EXT1: variants seen among roughly 807,000 people sequenced by gnomAD.
The protein encoded by EXT1 is exostosin glycosyltransferase 1.
In EXT1, 20 loss-of-function variants were observed where a neutral mutation model predicts 82.5. The observed-to-expected ratio is 0.24, with a 90% CI of 0.17 to 0.35. The LOEUF (loss-of-function observed/expected upper bound fraction) is 0.35. Ranked by LOEUF, EXT1 falls within the 10% of genes least tolerant of loss-of-function variation. The pLI is 1.00. For synonymous variants in EXT1, 348 were observed against 350.8 expected (o/e 0.99, Z 0.09); for missense variants, 757 against 936.5 (o/e 0.81, Z 2.50).
intron 1 of EXT1, among the ~76,000 whole-genome samples, chr8:118,068,952 T>C (rs1475393976): frequency 6.6e-6 from 1 of 152,168 alleles, no homozygotes; most frequent in African/African-American, 2.4e-5. Flanking sequence ...CTATTGCCCT[T>C]TTGGGACTCT....
At chr8:117,807,414 G>A (rs1823256295) in intron 8 of EXT1, 37 bp from the exon 9 acceptor site, 1 of 1,613,354 alleles carries the variant, frequency 6.2e-7, no homozygotes, top group East Asian at 2.2e-5. Context: ...GCAATCAACA[G>A]TGTTAACAAA....
chr8:117,858,766 A>AAGGAAGGCAGGCAGGC lies in EXT1; in HGVS notation c.963-21566_963-21565insGCCTGCCTGCCTTCCT, dbSNP rs1289892313. Among the ~76,000 whole-genome samples, 135 of 54,596 alleles carry AAGGAAGGCAGGCAGGC rather than the reference A, an allele frequency of 2.5e-3. 1 individual carries two copies. The highest frequency in any genetic ancestry group is 6.8e-3 in the African/African-American group (66 of 9,752). The allele number at this position is 54,596 out of a possible 152,430, so 35.8% of individuals were successfully genotyped here. A position where few individuals can be genotyped will look rare whatever the true frequency, so the allele number is the denominator to read the frequency against. Reference sequence around the variant, plus strand: ...GAAGGAAGGAAGGAAGGAAGGAAGGAAGGCAGGCAGGCAGGCAGGCAGGCA... The same window carrying AAGGAAGGCAGGCAGGC: ...GAAGGAAGGAAGGAAGGAAGGAAGGAAGGAAGGCAGGCAGGCAGGCAGGCAGGCAGGCAGGCAGGCA... On this transcript the variant is annotated intron_variant, in intron 1 of 10. Coordinates refer to ENST00000378204, the MANE Select transcript of EXT1 (RefSeq NM_000127.3).
chr8:118,110,025 G>A, intron 1 of EXT1, 60 bp downstream of exon 1: 2 of 1,611,616 alleles, frequency 1.2e-6, no homozygotes, highest in East Asian at 4.5e-5. Context: ...CTTCACACCT[G>A]GACCAAGGCC....
At chr8:117,950,385 G>C (rs866760891) in intron 1 of EXT1, among the ~76,000 whole-genome samples, 1 of 152,236 alleles carries the variant, frequency 6.6e-6, no homozygotes, top group Non-Finnish European at 1.5e-5. Flanking sequence ...CTGGCTGGTT[G>C]TAACAGCCAA....
intron 1 of EXT1, among the ~76,000 whole-genome samples, chr8:117,991,482 G>C (rs556316642): frequency 6.6e-6 from 1 of 152,212 alleles, no homozygotes; most frequent in East Asian, 1.9e-4. Context: ...AAAATCCCAT[G>C]TATCTTTTGC....
chr8:118,071,884 A>G (rs527894900), intron 1 of EXT1, among the ~76,000 whole-genome samples: 8 of 144,888 alleles, frequency 5.5e-5, no homozygotes, highest in Admixed American at 1.3e-4. Flanking sequence ...AAATCTTAAA[A>G]CAGCATCCTG....
chr8:117,971,236 G>A (rs1489935362), intron 1 of EXT1, among the ~76,000 whole-genome samples: 1 of 152,142 alleles, frequency 6.6e-6, no homozygotes. Flanking sequence ...ACTCACTGTA[G>A]AAACTGAAAA....
At chr8:118,076,783 G>A (rs1336398729) in intron 1 of EXT1, among the ~76,000 whole-genome samples, 1 of 152,130 alleles carries the variant, frequency 6.6e-6, no homozygotes, top group Non-Finnish European at 1.5e-5. Context: ...TTGTATTTCA[G>A]TTATAGAATT....
At chr8:117,813,094 C>T (rs1224242007) in intron 7 of EXT1, 133 bp from the exon 8 acceptor site, 13 of 730,546 alleles carry the variant, frequency 1.8e-5, no homozygotes, top group Middle Eastern at 2.5e-4. Context: ...CCCTCAACAC[C>T]GAAGGAATCT....
chr8:117,831,103 G>A (rs1187042162), intron 3 of EXT1, among the ~76,000 whole-genome samples: 1 of 152,152 alleles, frequency 6.6e-6, no homozygotes, highest in Non-Finnish European at 1.5e-5. Flanking sequence ...ACCATCTGAA[G>A]CCACCACAGG....
At chr8:118,081,075 A>C (rs1817318435) in intron 1 of EXT1, among the ~76,000 whole-genome samples, 1 of 152,178 alleles carries the variant, frequency 6.6e-6, no homozygotes, top group South Asian at 2.1e-4. Context: ...TCAGTATCTC[A>C]TTTAATTTTA....
At chr8:118,073,767 C>T (rs1011439378) in intron 1 of EXT1, among the ~76,000 whole-genome samples, 1 of 152,074 alleles carries the variant, frequency 6.6e-6, no homozygotes, top group Non-Finnish European at 1.5e-5. Flanking sequence ...CATTCATGCC[C>T]ATTCATTTCA....
At chr8:117,988,734 G>C (rs1448424057) in intron 1 of EXT1, among the ~76,000 whole-genome samples, 3 of 152,136 alleles carry the variant, frequency 2.0e-5, no homozygotes, top group Non-Finnish European at 4.4e-5. Flanking sequence ...TGCGAAGAAG[G>C]GGATAGTAGA....
intron 1 of EXT1, among the ~76,000 whole-genome samples, chr8:117,920,650 C>G (rs534595124): frequency 6.6e-6 from 1 of 152,162 alleles, no homozygotes; most frequent in Non-Finnish European, 1.5e-5. Flanking sequence ...TGCCTTTACA[C>G]GACCAATACG....
At chr8:117,977,248 G>T (rs947361974) in intron 1 of EXT1, among the ~76,000 whole-genome samples, 2 of 151,936 alleles carry the variant, frequency 1.3e-5, no homozygotes, top group Admixed American at 6.6e-5. Context: ...TTAGCTGAGC[G>T]TGGTGGCGGA....
At chr8:117,843,915 C>T (rs1032902575) in intron 1 of EXT1, among the ~76,000 whole-genome samples, 4 of 152,102 alleles carry the variant, frequency 2.6e-5, no homozygotes, top group African/African-American at 9.7e-5. Flanking sequence ...GTGTCTAAAA[C>T]TGACATGTCT....
intron 1 of EXT1, among the ~76,000 whole-genome samples, chr8:117,933,219 C>G (rs112555649): frequency 1.5e-4 from 22 of 149,238 alleles, no homozygotes; most frequent in Non-Finnish European, 2.8e-4. Flanking sequence ...TTATCACTCT[C>G]AGATGTTCTG....
intron 1 of EXT1, among the ~76,000 whole-genome samples, chr8:117,936,841 C>T (rs1448206810): frequency 6.6e-6 from 1 of 152,080 alleles, no homozygotes; most frequent in Non-Finnish European, 1.5e-5. Flanking sequence ...TGCCACTGCA[C>T]TCCAGCCTGG....
chr8:118,023,833 G>T (rs112297245), intron 1 of EXT1, among the ~76,000 whole-genome samples: 6 of 152,210 alleles, frequency 3.9e-5, no homozygotes, highest in Non-Finnish European at 8.8e-5. Context: ...ATACAGAGCC[G>T]CTCATTAACG....
Sources: gnomAD v4.1 joint callset for allele counts (sites outside exome capture counted in the v4.1 genomes callset) on GRCh38, gnomAD v4.1.1 for gene constraint, MANE v1.5 for transcripts, NCBI Gene and HGNC (gene_info 2026-07-23, HGNC 2026-07-21) for gene names.